Variants in MICU2 observed in about 807,000 individuals in gnomAD.
MICU2 encodes calcium uptake protein 2, mitochondrial.
A neutral mutation model predicts 60.4 loss-of-function variants in MICU2; 64 were observed. The ratio of observed to expected loss-of-function variants is 1.06; its 90% CI spans 0.87 to 1.31. MICU2 has a LOEUF of 1.31. MICU2 is among the 50% of genes most tolerant of loss of function. MICU2 has a pLI of 0.00. For missense variants in MICU2, 569 were observed against 531.0 expected, an observed-to-expected ratio of 1.07 and a Z score of -0.70; for synonymous variants, 201 against 175.0, an observed-to-expected ratio of 1.15 and a Z score of -1.17.
chr13:21,579,514 G>T (rs1888301734), intron 1 of MICU2, among the ~76,000 whole-genome samples: 1 of 151,932 alleles, frequency 6.6e-6, no homozygotes, highest in African/African-American at 2.4e-5. Flanking sequence ...CTAATTTTTT[G>T]TATTTTTAGT....
At chr13:21,556,118 C>CAA (rs540908268) in intron 2 of MICU2, among the ~76,000 whole-genome samples, 7 of 152,118 alleles carry the variant, frequency 4.6e-5, no homozygotes, top group Non-Finnish European at 7.4e-5. Flanking sequence ...GTTTTTCCCC[C>CAA]ATTTTTTCCT....
At chr13:21,533,500 T>C (rs1566150569) in intron 4 of MICU2, among the ~76,000 whole-genome samples, 1 of 151,426 alleles carries the variant, frequency 6.6e-6, no homozygotes, top group Non-Finnish European at 1.5e-5. Flanking sequence ...ATTTTTTGTA[T>C]TTTTAGTAGA....
intron 1 of MICU2, among the ~76,000 whole-genome samples, chr13:21,583,383 G>T (rs1263915352): frequency 6.6e-6 from 1 of 152,178 alleles, no homozygotes; most frequent in Admixed American, 6.5e-5. Context: ...ATACACTACT[G>T]ATTGCCTTTG....
chr13:21,495,193 C>T lies in MICU2; in HGVS notation c.1168G>A (p.Val390Met). 4 of 1,609,972 alleles carry T rather than the reference C, an allele frequency of 2.5e-6. No individual in the cohort carries two copies. Among genetic ancestry groups the T allele is most frequent in the Admixed American group, 1.7e-5 (1 of 59,028 alleles). The change falls in exon 11 of 12, where the codon GTG becomes ATG. Residue 390 changes from valine to methionine, a missense_variant. Physicochemically the swap from Val to Met is conservative, Grantham distance 21. Transcript: ENST00000382374. ...ECLSHEEFLGVLKNRMHRGLW... is the reference protein window; with the variant it reads ...ECLSHEEFLGMLKNRMHRGLW... ...CCTCGATGCATTCTGTTTTTTAACACCCCAAGAAACTCTTCATGACTAAGA... is the reference window on the plus strand; with the variant it reads ...CCTCGATGCATTCTGTTTTTTAACATCCCAAGAAACTCTTCATGACTAAGA...
chr13:21,494,973 C>G (rs1199941), intron 11 of MICU2, among the ~76,000 whole-genome samples, 188 bp downstream of exon 11: 144,673 of 152,276 alleles, frequency 0.95, 68,860 homozygotes, highest in East Asian at 1. Flanking sequence ...ATTAGATTCA[C>G]ATTATTTTTT....
In MICU2 at chr13:21,531,251, T is replaced by C. The variant is rs144282252; in HGVS notation, c.466+8051A>G. On this transcript the variant is annotated intron_variant, in intron 4 of 11. Coordinates refer to ENST00000382374, the MANE Select transcript of MICU2 (RefSeq NM_152726.3). ...AAAAGGACACTATAAGAAAGGAATA[T>C]TGGAGATAGATTGGAAGATCCCTTC... 3,781 of 1,289,706 alleles carry C rather than the reference T, an allele frequency of 2.9e-3. 17 individuals are homozygous for C. Among genetic ancestry groups the C allele is most frequent in the Non-Finnish European group, 3.0e-3 (2,701 of 886,932 alleles). 79.9% of individuals were successfully genotyped at this position (1,289,706 alleles called of 1,614,324 possible).
chr13:21,514,951 A>T (rs1029398231), intron 6 of MICU2, among the ~76,000 whole-genome samples: 1 of 152,198 alleles, frequency 6.6e-6, no homozygotes, highest in Admixed American at 6.5e-5. Flanking sequence ...CTACTAAGAA[A>T]GCTAGTTTAC....
At chr13:21,538,175 G>T (rs747501582) in intron 4 of MICU2, among the ~76,000 whole-genome samples, 1 of 151,766 alleles carries the variant, frequency 6.6e-6, no homozygotes, top group Non-Finnish European at 1.5e-5. Flanking sequence ...CCGCCCTCAC[G>T]TCTCAGTGCT....
chr13:21,603,956 A>T lies in MICU2; in HGVS notation c.193T>A (p.Phe65Ile). 2 of 1,612,510 alleles carry T rather than the reference A, an allele frequency of 1.2e-6. No individual in the cohort carries two copies. The highest frequency in any genetic ancestry group is 1.7e-6 in the Non-Finnish European group (2 of 1,179,632). Reference protein sequence around the residue: ...RVSVAARDGSFTVSAQKNVEH... With the variant: ...RVSVAARDGSITVSAQKNVEH... ...TCCTGTACCTGTGCGGAGACTGTAA[A>T]ACTGCCATCCCGCGCCGCAACACTG... The change falls in exon 1 of 12, where the codon TTT becomes ATT. Residue 65 changes from phenylalanine (F) to isoleucine (I), a missense_variant. Coordinates refer to ENST00000382374, the MANE Select transcript of MICU2 (RefSeq NM_152726.3).
intron 8 of MICU2, among the ~76,000 whole-genome samples, chr13:21,506,860 A>T (rs917601149): frequency 2.6e-5 from 4 of 152,226 alleles, no homozygotes; most frequent in African/African-American, 9.6e-5. Flanking sequence ...TCGTCAGTTA[A>T]ACATGTTATA....
chr13:21,532,563 G>C (rs1208743809), intron 4 of MICU2, among the ~76,000 whole-genome samples: 1 of 152,140 alleles, frequency 6.6e-6, no homozygotes, highest in Admixed American at 6.5e-5. Context: ...CTAATTGTTT[G>C]CTTCCCCAGC....
intron 1 of MICU2, among the ~76,000 whole-genome samples, chr13:21,574,964 T>C (rs1032827509): frequency 1.3e-5 from 2 of 152,162 alleles, no homozygotes; most frequent in African/African-American, 2.4e-5. Flanking sequence ...TGCCTCACAA[T>C]ACATTCTACA....
chr13:21,531,591 A>T (rs186295050), intron 4 of MICU2, among the ~76,000 whole-genome samples: 2 of 152,334 alleles, frequency 1.3e-5, no homozygotes, highest in Admixed American at 1.3e-4. Context: ...ATCAACATGT[A>T]ATCAAATCCC....
At chr13:21,528,155 C>T (rs1051565842) in intron 4 of MICU2, among the ~76,000 whole-genome samples, 10 of 151,868 alleles carry the variant, frequency 6.6e-5, no homozygotes, top group South Asian at 4.1e-4. Flanking sequence ...TATAATAATA[C>T]GTGTTGGTAA....
chr13:21,541,974 G>T (rs1429995491), intron 2 of MICU2, among the ~76,000 whole-genome samples: 1 of 151,752 alleles, frequency 6.6e-6, no homozygotes, highest in Non-Finnish European at 1.5e-5. Context: ...AAATAATGAA[G>T]AAATTAACTT....
intron 6 of MICU2, among the ~76,000 whole-genome samples, chr13:21,514,730 C>T (rs796967660): frequency 6.0e-4 from 90 of 149,776 alleles, no homozygotes; most frequent in African/African-American, 2.2e-3. Context: ...TTAGTAGAGA[C>T]GGGGTTTCAC....
intron 7 of MICU2, among the ~76,000 whole-genome samples, chr13:21,513,945 C>T (rs1484376836): frequency 1.3e-5 from 2 of 152,024 alleles, no homozygotes; most frequent in African/African-American, 4.8e-5. Flanking sequence ...ACTAATTGCC[C>T]AGGGAGGAGA....
chr13:21,552,936 C>G (rs566412639), intron 2 of MICU2, among the ~76,000 whole-genome samples: 11 of 152,176 alleles, frequency 7.2e-5, no homozygotes, highest in African/African-American at 1.7e-4. Flanking sequence ...TCCATATGAA[C>G]TTTAAAGTAG....
At position 21,545,891 on chromosome 13, in the gene MICU2, A is replaced by G. The variant is rs528824492; in HGVS notation, c.359-6203T>C. Among the ~76,000 whole-genome samples the G allele has an allele frequency of 6.6e-5, 10 of 152,340 alleles. No homozygotes were observed. The South Asian group carries it at 2.1e-3, about 32-fold the overall frequency. On this transcript the variant is annotated intron_variant, in intron 2 of 11. Transcript: ENST00000382374. ...CTAGTTTCAAAGATCTAGAAGGAGG[A>G]AACTGAATGTTCTCAACACAAAGAA...
Sources: gnomAD v4.1 joint callset for allele counts (sites outside exome capture counted in the v4.1 genomes callset) on GRCh38, gnomAD v4.1.1 for gene constraint, MANE v1.5 for transcripts, NCBI Gene and HGNC (gene_info 2026-07-23, HGNC 2026-07-21) for gene names.